The following CSMD1 variants were observed in gnomAD, a reference collection of about 807,000 sequenced individuals.
The protein encoded by CSMD1 is CUB and sushi domain-containing protein 1.
A neutral mutation model predicts 417.5 loss-of-function variants in CSMD1; 213 were observed. That is an observed-to-expected ratio of 0.51 (90% CI 0.46 to 0.57). The LOEUF is 0.57. Among genes scored for constraint, CSMD1 ranks in the 20% least tolerant of loss-of-function variants. CSMD1 has a pLI of 0.00. For missense variants in CSMD1, 6,923 were observed against 4,529.7 expected (o/e 1.53, Z -15.17); for synonymous variants, 2,862 against 1,736.8 (o/e 1.65, Z -16.11).
intron 3 of CSMD1, among the ~76,000 whole-genome samples, chr8:4,118,818 A>G (rs987091598): frequency 6.6e-6 from 1 of 152,230 alleles, no homozygotes; most frequent in Non-Finnish European, 1.5e-5. Context: ...CACTATTCAC[A>G]ATAGCAAAGA....
At chr8:3,745,956 C>A (rs559023509) in intron 6 of CSMD1, among the ~76,000 whole-genome samples, 1 of 152,192 alleles carries the variant, frequency 6.6e-6, no homozygotes, top group African/African-American at 2.4e-5. Context: ...GACTTCATGA[C>A]CAGTTGGTCA....
intron 5 of CSMD1, among the ~76,000 whole-genome samples, chr8:3,992,397 T>C (rs1435245040): frequency 2.0e-5 from 3 of 152,150 alleles, no homozygotes; most frequent in Non-Finnish European, 4.4e-5. Flanking sequence ...ATCAATCTAA[T>C]CAGTGATTGG....
At chr8:3,120,404 T>C (rs1209817711) in intron 41 of CSMD1, among the ~76,000 whole-genome samples, 1 of 152,206 alleles carries the variant, frequency 6.6e-6, no homozygotes, top group African/African-American at 2.4e-5. Context: ...GGCCTTGGCG[T>C]TCACAAGATT....
chr8:4,603,769 G>A (rs568361272), intron 2 of CSMD1, among the ~76,000 whole-genome samples: 14 of 152,178 alleles, frequency 9.2e-5, no homozygotes, highest in South Asian at 4.1e-4. Flanking sequence ...TTGGTGTACC[G>A]GAGAAGTTGG....
At chr8:3,940,895 C>CA (rs397696043) in intron 5 of CSMD1, among the ~76,000 whole-genome samples, 1 of 150,874 alleles carries the variant, frequency 6.6e-6, no homozygotes, top group African/African-American at 2.4e-5. Flanking sequence ...CTTCTCCCCC[C>CA]GAGATTATGT....
intron 27 of CSMD1, 105 bp from the exon 28 acceptor site, chr8:3,223,972 G>T: frequency 9.0e-7 from 1 of 1,116,124 alleles, no homozygotes; most frequent in Non-Finnish European, 1.3e-6. Flanking sequence ...AAAGACATCA[G>T]CATTTTTACC....
chr8:3,741,981 T>TG lies in CSMD1; in HGVS notation c.931+11948_931+11949insC, dbSNP rs201000673. ...TCCACTTTTTCCAAAGAATCTTGGT[T>TG]TTTTTTTTTTTTAACCCTGCAAATT... On this transcript the variant is annotated intron_variant, in intron 6 of 69. Transcript: ENST00000635120. Among the ~76,000 whole-genome samples the TG allele has an allele frequency of 1.6e-3, 244 of 149,334 alleles. 2 individuals are homozygous for TG. The Middle Eastern group carries it at 0.034, about 21-fold the overall frequency.
chr8:4,748,299 G>C (rs543111397), intron 1 of CSMD1, among the ~76,000 whole-genome samples: 2 of 152,328 alleles, frequency 1.3e-5, no homozygotes, highest in African/African-American at 4.8e-5. Flanking sequence ...CTTTCTACAA[G>C]AGAAGCCAGA....
At chr8:3,738,491 G>C (rs569284753) in intron 6 of CSMD1, among the ~76,000 whole-genome samples, 1 of 152,292 alleles carries the variant, frequency 6.6e-6, no homozygotes, top group East Asian at 1.9e-4. Flanking sequence ...ATTTAAGTTA[G>C]AGTTTTGATC....
intron 5 of CSMD1, among the ~76,000 whole-genome samples, chr8:3,954,411 G>A (rs1045057731): frequency 6.6e-6 from 1 of 152,156 alleles, no homozygotes; most frequent in South Asian, 2.1e-4. Flanking sequence ...TGCCCAGGCT[G>A]GAGTGCAGTG....
intron 1 of CSMD1, among the ~76,000 whole-genome samples, chr8:4,889,825 G>A (rs920064691): frequency 2.0e-5 from 3 of 152,100 alleles, no homozygotes; most frequent in African/African-American, 7.3e-5. Flanking sequence ...GCAAACCACA[G>A]CCACTAGAAT....
chr8:3,822,444 C>A (rs968278631), intron 5 of CSMD1, among the ~76,000 whole-genome samples: 2 of 152,166 alleles, frequency 1.3e-5, no homozygotes, highest in African/African-American at 4.8e-5. Flanking sequence ...AAGAACAATG[C>A]CACAAAGAAC....
intron 7 of CSMD1, among the ~76,000 whole-genome samples, chr8:3,651,138 T>C (rs1797832385): frequency 6.6e-6 from 1 of 152,198 alleles, no homozygotes; most frequent in Non-Finnish European, 1.5e-5. Context: ...ATTACAGCAG[T>C]AGCTTTCTTG....
chr8:4,243,778 A>G (rs968709116), intron 3 of CSMD1, among the ~76,000 whole-genome samples: 1 of 152,210 alleles, frequency 6.6e-6, no homozygotes, highest in Non-Finnish European at 1.5e-5. Context: ...TTCAACGAGG[A>G]AAGAAAGAAA....
intron 26 of CSMD1, among the ~76,000 whole-genome samples, chr8:3,255,109 G>T (rs191627849): frequency 1.3e-5 from 2 of 152,106 alleles, no homozygotes; most frequent in Non-Finnish European, 2.9e-5. Flanking sequence ...CTCAGCTGCC[G>T]GTCTCTTGGA....
At chr8:4,646,598 T>C (rs985076634) in intron 1 of CSMD1, among the ~76,000 whole-genome samples, 1 of 152,240 alleles carries the variant, frequency 6.6e-6, no homozygotes, top group African/African-American at 2.4e-5. Flanking sequence ...TCTTTCTGTG[T>C]AGATATATGA....
chr8:3,925,131 G>A (rs146492719), intron 5 of CSMD1, among the ~76,000 whole-genome samples: 198 of 152,296 alleles, frequency 1.3e-3, no homozygotes, highest in African/African-American at 4.6e-3. Context: ...CTGAGGCAGA[G>A]CCACCCAGCT....
chr8:3,099,671 T>G (rs1815591354), intron 46 of CSMD1, among the ~76,000 whole-genome samples: 1 of 152,212 alleles, frequency 6.6e-6, no homozygotes, highest in South Asian at 2.1e-4. Flanking sequence ...AAAATCCACC[T>G]GAAAACCTAT....
At chr8:4,633,046 G>A (rs764071679) in intron 2 of CSMD1, among the ~76,000 whole-genome samples, 3 of 152,060 alleles carry the variant, frequency 2.0e-5, no homozygotes, top group African/African-American at 7.2e-5. Flanking sequence ...TTATGTTGCC[G>A]GAGATAGAAG....
Sources: gnomAD v4.1 joint callset for allele counts (sites outside exome capture counted in the v4.1 genomes callset) on GRCh38, gnomAD v4.1.1 for gene constraint, MANE v1.5 for transcripts, NCBI Gene and HGNC (gene_info 2026-07-23, HGNC 2026-07-21) for gene names.